C1QTNF3: variants seen among roughly 807,000 people sequenced by gnomAD.
C1QTNF3 encodes complement C1q tumor necrosis factor-related protein 3.
In C1QTNF3, 26 loss-of-function variants were observed where a neutral mutation model predicts 32.6. The observed-to-expected ratio is 0.80, with a 90% CI of 0.58 to 1.11. The LOEUF is 1.11. Among genes scored for constraint, C1QTNF3 ranks in the 50% least tolerant of loss-of-function variants. The probability of loss-of-function intolerance (pLI) is 0.00; values close to 1 mark genes in which losing one functional copy is unlikely to be tolerated. For synonymous variants in C1QTNF3, 155 were observed against 146.0 expected, an observed-to-expected ratio of 1.06 and a Z score of -0.44; for missense variants, 362 against 398.2, an observed-to-expected ratio of 0.91 and a Z score of 0.77.
the C1QTNF3 span, among the ~76,000 whole-genome samples, chr5:34,089,950 A>G: frequency 3.8e-4 from 58 of 152,354 alleles, 1 homozygote; most frequent in African/African-American, 1.3e-3. Context: ...ACGGAGCTGC[A>G]TATGTCTGGG....
chr5:34,216,578 T>C, the C1QTNF3 span, among the ~76,000 whole-genome samples: 10 of 152,208 alleles, frequency 6.6e-5, no homozygotes, highest in African/African-American at 1.2e-4. Flanking sequence ...ATGGTATCCA[T>C]GTACACATAT....
the C1QTNF3 span, among the ~76,000 whole-genome samples, chr5:34,137,404 C>T: frequency 7.7e-4 from 117 of 152,280 alleles, no homozygotes; most frequent in Non-Finnish European, 1.4e-3. Context: ...ATTGTTACCA[C>T]TCAAAAGTTA....
At chr5:34,108,401 G>T in the C1QTNF3 span, among the ~76,000 whole-genome samples, 1 of 152,154 alleles carries the variant, frequency 6.6e-6, no homozygotes, top group East Asian at 1.9e-4. Context: ...TGCTCTCCCC[G>T]TGCTGAAAAT....
At chr5:34,164,651 T>G in the C1QTNF3 span, 2 of 151,764 alleles carry the variant, frequency 1.3e-5, no homozygotes, top group Non-Finnish European at 2.9e-5. Context: ...CAAGGAGTGC[T>G]CAAGAAGGGA....
At chr5:34,141,534 C>T in the C1QTNF3 span, among the ~76,000 whole-genome samples, 2 of 152,138 alleles carry the variant, frequency 1.3e-5, no homozygotes, top group East Asian at 1.9e-4. Context: ...AACGCTTGTG[C>T]TATCTCTTAT....
Position 34,020,536 on chromosome 5 carries a change from G to T in C1QTNF3, c.*47C>A. The T allele has an allele frequency of 6.3e-7, 1 of 1,586,970 alleles. No homozygotes were observed. Among genetic ancestry groups the T allele is most frequent in the Non-Finnish European group, 8.6e-7 (1 of 1,160,464 alleles). On this transcript the variant is annotated 3_prime_UTR_variant, in exon 6 of 6. Coordinates refer to ENST00000382065, the MANE Select transcript of C1QTNF3 (RefSeq NM_181435.6). ...ATGTTCCTCAGATCGTAACAAATCA[G>T]CTCAGCTACAAGTCTTCCCCAAAGT...
the C1QTNF3 span, among the ~76,000 whole-genome samples, chr5:34,108,396 TC>T: frequency 1.3e-5 from 2 of 152,148 alleles, no homozygotes; most frequent in African/African-American, 4.8e-5. Context: ...TATTGTGCTC[TC>T]CCCGTGCTGA....
chr5:34,028,191 CTCTA>C (rs1262705985), intron 4 of C1QTNF3, among the ~76,000 whole-genome samples: 1 of 152,212 alleles, frequency 6.6e-6, no homozygotes, highest in Non-Finnish European at 1.5e-5. Flanking sequence ...CCAGGATAGT[CTCTA>C]TCTACTGACC....
chr5:34,155,572 G>T, the C1QTNF3 span, among the ~76,000 whole-genome samples: 2 of 152,116 alleles, frequency 1.3e-5, no homozygotes, highest in Non-Finnish European at 2.9e-5. Context: ...TTGACAGATA[G>T]AATTTTCCAG....
At chr5:34,139,856 A>G in the C1QTNF3 span, among the ~76,000 whole-genome samples, 1 of 152,222 alleles carries the variant, frequency 6.6e-6, no homozygotes, top group Admixed American at 6.5e-5. Flanking sequence ...GTTTATCTGA[A>G]GTACCGTCTT....
chr5:34,043,130 C>A lies in C1QTNF3; in HGVS notation c.-5G>T. On this transcript the variant is annotated 5_prime_UTR_variant, in exon 1 of 6. Coordinates refer to ENST00000382065, the MANE Select transcript of C1QTNF3 (RefSeq NM_181435.6). Reference sequence around the variant, plus strand: ...GATGAGCTGCCTCCAAAGCATGATTCTCAACAGAGCCTCAGAGTCTCCCTG... The same window carrying A: ...GATGAGCTGCCTCCAAAGCATGATTATCAACAGAGCCTCAGAGTCTCCCTG... 1 of 1,608,484 alleles carries A rather than the reference C, an allele frequency of 6.2e-7. No homozygotes were observed. Among genetic ancestry groups the A allele is most frequent in the South Asian group, 1.1e-5 (1 of 90,600 alleles).
chr5:34,136,040 G>A, the C1QTNF3 span, among the ~76,000 whole-genome samples: 2 of 151,944 alleles, frequency 1.3e-5, no homozygotes, highest in African/African-American at 4.8e-5. Flanking sequence ...AACTCTAGAA[G>A]AAAACCTAGG....
the C1QTNF3 span, among the ~76,000 whole-genome samples, chr5:34,087,537 A>G: frequency 1.3e-5 from 2 of 151,284 alleles, no homozygotes; most frequent in African/African-American, 4.9e-5. Context: ...ATAAGCAAGC[A>G]ATGGCTAAGC....
chr5:34,074,828 A>G, the C1QTNF3 span, among the ~76,000 whole-genome samples: 5 of 151,832 alleles, frequency 3.3e-5, no homozygotes, highest in South Asian at 1.0e-3. Context: ...GAAAAAGAGA[A>G]AAGAGAGAGA....
chr5:34,035,173 G>T (rs1370620121), intron 2 of C1QTNF3, among the ~76,000 whole-genome samples: 1 of 152,180 alleles, frequency 6.6e-6, no homozygotes, highest in Non-Finnish European at 1.5e-5. Context: ...GTCTAGTGGG[G>T]TCTCATGTAG....
the C1QTNF3 span, among the ~76,000 whole-genome samples, chr5:34,138,440 G>GT: frequency 6.6e-6 from 1 of 151,804 alleles, no homozygotes; most frequent in East Asian, 1.9e-4. Context: ...CGACTATATT[G>GT]TAACTTTTTC....
the C1QTNF3 span, among the ~76,000 whole-genome samples, chr5:34,102,901 C>T: frequency 6.7e-6 from 1 of 149,926 alleles, no homozygotes; most frequent in Non-Finnish European, 1.5e-5. Flanking sequence ...TTAATGGGTG[C>T]AGCACACCAA....
upstream of C1QTNF3, among the ~76,000 whole-genome samples, chr5:34,044,918 G>A (rs970342708): frequency 6.6e-6 from 1 of 152,190 alleles, no homozygotes; most frequent in Non-Finnish European, 1.5e-5. Context: ...GTTATTCTTA[G>A]TAACTGAGGA....
At chr5:34,084,912 C>T in the C1QTNF3 span, among the ~76,000 whole-genome samples, 34 of 148,380 alleles carry the variant, frequency 2.3e-4, no homozygotes, top group Admixed American at 1.0e-3. Flanking sequence ...AGTATTTGCC[C>T]ATGCCTATGT....
Sources: allele counts gnomAD v4.1 joint callset (sites outside exome capture counted in the v4.1 genomes callset), GRCh38; gene constraint gnomAD v4.1.1; transcripts MANE v1.5; gene names NCBI Gene and HGNC (gene_info 2026-07-23, HGNC 2026-07-21).